ZFHX3: variants seen among roughly 807,000 people sequenced by gnomAD.
The protein encoded by ZFHX3 is zinc finger homeobox protein 3.
ZFHX3 carries 42 observed loss-of-function variants against 279.1 expected under a neutral mutation model. The observed-to-expected ratio is 0.15, with a 90% CI of 0.12 to 0.19. ZFHX3 has a LOEUF of 0.19. Among genes scored for constraint, ZFHX3 ranks in the 10% least tolerant of loss-of-function variants. The pLI is 1.00. For synonymous variants in ZFHX3, 2,293 were observed against 1,957.8 expected (o/e 1.17, Z -4.52); for missense variants, 4,981 against 4,754.0 (o/e 1.05, Z -1.40).
Position 73,673,924 on chromosome 16 carries a change from A to G in ZFHX3, c.-1547+6256T>C, listed in dbSNP as rs1187178974. Reference sequence around the variant, plus strand: ...AAATCTGACCACCACACAAGGAGACAGGTATGAGAGCAAACCCCTAAGTCA... The same window carrying G: ...AAATCTGACCACCACACAAGGAGACGGGTATGAGAGCAAACCCCTAAGTCA... On this transcript the variant is annotated intron_variant, in intron 2 of 17. Coordinates refer to the ZFHX3 transcript ENST00000641206. Among the ~76,000 whole-genome samples, 52 of 152,324 alleles carry G rather than the reference A, an allele frequency of 3.4e-4. 1 individual carries two copies. The highest frequency in any genetic ancestry group is 2.4e-5 in the African/African-American group (1 of 41,580).
intron 1 of ZFHX3, among the ~76,000 whole-genome samples, chr16:73,795,747 T>C (rs1381684047): frequency 6.6e-6 from 1 of 152,196 alleles, no homozygotes; most frequent in African/African-American, 2.4e-5. Context: ...GCATTCAGAA[T>C]TTCAATTCTT....
chr16:73,741,490 A>G (rs1384669096), intron 1 of ZFHX3, among the ~76,000 whole-genome samples: 1 of 152,124 alleles, frequency 6.6e-6, no homozygotes, highest in Non-Finnish European at 1.5e-5. Flanking sequence ...TGTGCTTAAG[A>G]CATGGGTGGA....
chr16:73,077,422 T>A (rs1010810714), intron 8 of ZFHX3, among the ~76,000 whole-genome samples: 15 of 152,094 alleles, frequency 9.9e-5, no homozygotes, highest in Non-Finnish European at 1.9e-4. Context: ...GTTTCTTTTT[T>A]AAAAATAGAG....
intron 3 of ZFHX3, among the ~76,000 whole-genome samples, chr16:73,408,992 G>T (rs1467704285): frequency 2.6e-5 from 4 of 152,068 alleles, no homozygotes; most frequent in Admixed American, 6.5e-5. Context: ...CTTGTGCAAG[G>T]GACTCCCACT....
chr16:73,863,758 G>A (rs182156703), intron 1 of ZFHX3, among the ~76,000 whole-genome samples: 17 of 152,248 alleles, frequency 1.1e-4, no homozygotes, highest in Middle Eastern at 3.4e-3. Context: ...AGCATCTAGC[G>A]AAGTGTATTG....
intron 4 of ZFHX3, among the ~76,000 whole-genome samples, chr16:73,298,269 GCC>G (rs1222976391): frequency 6.9e-6 from 1 of 145,738 alleles, no homozygotes; most frequent in East Asian, 2.0e-4. Context: ...TGCAACCTCC[GCC>G]CCTCCCAGGT....
At chr16:73,417,531 C>T (rs1045541728) in intron 3 of ZFHX3, among the ~76,000 whole-genome samples, 10 of 151,060 alleles carry the variant, frequency 6.6e-5, no homozygotes, top group African/African-American at 2.0e-4. Flanking sequence ...CATGCCCAGC[C>T]GATTTCCTAA....
intron 2 of ZFHX3, among the ~76,000 whole-genome samples, chr16:73,468,340 C>A (rs981183282): frequency 3.9e-5 from 6 of 152,128 alleles, no homozygotes; most frequent in Non-Finnish European, 8.8e-5. Flanking sequence ...CCCTTAAGGA[C>A]GGTTCCTGGA....
rs568673386 is a variant in ZFHX3, at chr16:73,445,599, C to T, written c.-1291+10404G>A. On this transcript the variant is annotated intron_variant, in intron 3 of 17. Transcript: ENST00000641206. Reference sequence around the variant, plus strand: ...CCAGACGCAAGATGCCTGAAATTCACAATCACATAGTGTGCCCCAGCATAG... The same window carrying T: ...CCAGACGCAAGATGCCTGAAATTCATAATCACATAGTGTGCCCCAGCATAG... 2.6e-5 allele frequency among the ~76,000 whole-genome samples: 4 copies of T among 152,256 alleles called. No homozygotes were observed. In the South Asian group the frequency reaches 8.3e-4, roughly 32 times the overall value.
At chr16:72,994,771 C>G (rs932792876) in intron 1 of ZFHX3, among the ~76,000 whole-genome samples, 3 of 152,226 alleles carry the variant, frequency 2.0e-5, no homozygotes, top group African/African-American at 7.2e-5. Flanking sequence ...AAGGTTCCTC[C>G]TGACGGAACA....
rs2036451144 is a variant in ZFHX3, at chr16:72,811,626, G to A, written c.3815C>T (p.Thr1272Ile). 6.2e-7 allele frequency: 1 copy of A among 1,612,536 alleles called. No homozygotes were observed. Among genetic ancestry groups the A allele is most frequent in the East Asian group, 2.2e-5 (1 of 44,868 alleles). ...NNKIHLQLHL[T>I]HLHSVAPDCV... Reference sequence around the variant, plus strand: ...GTCAGGTGCCACGCTGTGGAGGTGGGTGAGGTGCAGCTGGAGGTGGATCTT... The same window carrying A: ...GTCAGGTGCCACGCTGTGGAGGTGGATGAGGTGCAGCTGGAGGTGGATCTT... The change falls in exon 7 of 10, where the codon ACC (threonine) becomes ATC (isoleucine). Residue 1272 changes from threonine (T) to isoleucine (I), a missense_variant. Thr to Ile is a moderately conservative substitution (Grantham distance 89). Coordinates refer to ENST00000268489, the MANE Select transcript of ZFHX3 (RefSeq NM_006885.4).
chr16:73,750,690 T>C (rs995161792), intron 1 of ZFHX3, among the ~76,000 whole-genome samples: 6 of 152,150 alleles, frequency 3.9e-5, no homozygotes, highest in Admixed American at 6.5e-5. Context: ...AGCAATTCTC[T>C]GAGCTAGTAA....
chr16:72,796,575 G>A lies in ZFHX3; in HGVS notation c.6107C>T (p.Thr2036Ile), dbSNP rs1192770968. 6.2e-7 allele frequency: 1 copy of A among 1,612,896 alleles called. No individual in the cohort carries two copies. Among genetic ancestry groups the A allele is most frequent in the Admixed American group, 1.7e-5 (1 of 59,964 alleles). The change falls in exon 9 of 10, where the codon ACC becomes ATC. Residue 2036 changes from threonine (T) to isoleucine (I), a missense_variant. Around this residue, in one of 7 missense-constraint regions of ZFHX3, gnomAD observed 1,751 missense variants for 1,770.0 expected, o/e 0.99. Transcript: ENST00000268489. ...AGGGGGAGGTGGTGGTGGCTCTGGGGTCTGGGGCCTCAGTGGGTACAGTTT... is the reference window on the plus strand; with the variant it reads ...AGGGGGAGGTGGTGGTGGCTCTGGGATCTGGGGCCTCAGTGGGTACAGTTT... ...YDKLYPLRPQ[T>I]PEPPPPPPPP...
chr16:73,336,762 C>T (rs961540778), intron 3 of ZFHX3, among the ~76,000 whole-genome samples: 1 of 152,140 alleles, frequency 6.6e-6, no homozygotes, highest in Admixed American at 6.5e-5. Flanking sequence ...TCAAACCTTT[C>T]ATCCACTAAA....
intron 3 of ZFHX3, among the ~76,000 whole-genome samples, chr16:73,395,942 A>G (rs1331906892): frequency 1.3e-5 from 2 of 152,210 alleles, no homozygotes; most frequent in East Asian, 1.9e-4. Flanking sequence ...TACATCTTAG[A>G]GTTATACTTT....
chr16:73,349,472 T>C (rs1475623736), intron 3 of ZFHX3, among the ~76,000 whole-genome samples: 1 of 54,282 alleles, frequency 1.8e-5, no homozygotes, highest in Non-Finnish European at 8.3e-5. Flanking sequence ...TGATTGTAAC[T>C]GTACCTTTCA....
At chr16:73,725,237 T>C (rs963188180) in intron 1 of ZFHX3, among the ~76,000 whole-genome samples, 2 of 152,200 alleles carry the variant, frequency 1.3e-5, no homozygotes, top group African/African-American at 4.8e-5. Flanking sequence ...CTTTTATATA[T>C]AAAAAGAAAA....
intron 3 of ZFHX3, among the ~76,000 whole-genome samples, chr16:72,900,382 G>A (rs905929590): frequency 3.3e-5 from 5 of 152,162 alleles, no homozygotes; most frequent in African/African-American, 4.8e-5. Flanking sequence ...AAAAAAACAC[G>A]TGTCTACTGG....
intron 1 of ZFHX3, among the ~76,000 whole-genome samples, chr16:73,039,737 G>A (rs151097355): frequency 1.4e-4 from 21 of 152,116 alleles, no homozygotes; most frequent in African/African-American, 1.4e-4. Flanking sequence ...GTTTCACCAC[G>A]TTGCCCAAGC....
Sources: gnomAD v4.1 joint callset for allele counts (sites outside exome capture counted in the v4.1 genomes callset) on GRCh38, gnomAD v4.1.1 for gene constraint, gnomAD v4.1.1 regional missense constraint, MANE v1.5 for transcripts, NCBI Gene and HGNC (gene_info 2026-07-23, HGNC 2026-07-21) for gene names.